The following DIP2A variants were observed in gnomAD, a reference collection of about 807,000 sequenced individuals.
The protein encoded by DIP2A is disco-interacting protein 2 homolog A.
Under a neutral mutation model 177.4 loss-of-function variants are expected in DIP2A, and 85 were observed. The observed-to-expected ratio is 0.48, with a 90% CI of 0.40 to 0.57. DIP2A has a LOEUF of 0.57. Among genes scored for constraint, DIP2A ranks in the 20% least tolerant of loss-of-function variants. DIP2A has a pLI of 0.00. For missense variants in DIP2A, 1,791 were observed against 2,100.2 expected (o/e 0.85, Z 2.88); for synonymous variants, 886 against 881.8 (o/e 1.00, Z -0.08).
rs774565220 is a variant in DIP2A, at chr21:46,501,542, C to T, written c.655+2709C>T. Among the ~76,000 whole-genome samples the T allele has an allele frequency of 3.7e-4, 57 of 152,174 alleles. 1 individual carries two copies. Among genetic ancestry groups the T allele is most frequent in the Admixed American group, 1.9e-3 (29 of 15,288 alleles). The stretch of plus-strand genomic sequence containing the variant: ...TTAAGAAATTCTCCCACCTTAGCCT[C>T]CTGAGCAGCTGGGACTATAGGCAAA... On this transcript the variant is annotated intron_variant, in intron 5 of 37. Coordinates refer to ENST00000417564, the MANE Select transcript of DIP2A (RefSeq NM_015151.4).
In DIP2A at chr21:46,556,731, T is replaced by C; in HGVS notation, c.3499-208T>C. 1.8e-6 allele frequency: 1 copy of C among 544,006 alleles called. No homozygotes were observed. The highest frequency in any genetic ancestry group is 3.2e-5 in the South Asian group (1 of 31,170). The allele number at this position is 544,006 out of a possible 1,614,324, so 33.7% of individuals were successfully genotyped here. On this transcript the variant is annotated intron_variant, in intron 29 of 37. Transcript: ENST00000417564. This position sits in a 1 kb window ranked among gnomAD's most constrained non-coding sequence, Gnocchi z 4.5. ...TTTAAAAATTCATTACCCTGAAATT[T>C]TGTTTCAAAGATTTTTAGTGTACCA... is the stretch of plus-strand genomic sequence containing the variant.
intron 8 of DIP2A, 24 bp downstream of exon 8, chr21:46,511,638 G>A: frequency 6.6e-7 from 1 of 1,506,744 alleles, no homozygotes; most frequent in Non-Finnish European, 8.9e-7. Context: ...GAAAGCAGTT[G>A]TGCTTCTGGG....
intron 1 of DIP2A, among the ~76,000 whole-genome samples, chr21:46,483,115 A>G (rs953735460): frequency 6.6e-6 from 1 of 152,078 alleles, no homozygotes; most frequent in African/African-American, 2.4e-5. Context: ...AGTGCAGTGA[A>G]TCAGGTGTGC....
chr21:46,520,774 A>G (rs2058789919), intron 8 of DIP2A, among the ~76,000 whole-genome samples: 1 of 152,240 alleles, frequency 6.6e-6, no homozygotes, highest in South Asian at 2.1e-4. Flanking sequence ...CGATTTTGGA[A>G]CACAAACCAA....
chr21:46,565,686 C>G, intron 35 of DIP2A, 27 bp from the exon 36 acceptor site: 2 of 1,597,290 alleles, frequency 1.3e-6, no homozygotes, highest in Non-Finnish European at 1.7e-6. Flanking sequence ...GGTAACACAT[C>G]ACATTCTTGT....
chr21:46,538,485 C>G lies in DIP2A; in HGVS notation c.1804C>G (p.Arg602Gly). ...TCTGTGCCATCCTCTCTCTGCAGCTCGGGCCGCGCTGGTGAAGTCGCGAGA... is the reference window on the plus strand; with the variant it reads ...TCTGTGCCATCCTCTCTCTGCAGCTGGGGCCGCGCTGGTGAAGTCGCGAGA... The part of the protein sequence containing the change: ...WIQKVCFYKA[R>G]AALVKSRDMH... Residue 602 changes from arginine to glycine, a missense_variant and splice_region_variant, in exon 16 of 38, where the codon CGG (arginine) becomes GGG (glycine). By Grantham distance (125) the Arg-to-Gly change is moderately radical (BLOSUM62 -2). Coordinates refer to ENST00000417564, the MANE Select transcript of DIP2A (RefSeq NM_015151.4). 1 of 1,544,288 alleles carries G rather than the reference C, an allele frequency of 6.5e-7. No individual in the cohort carries two copies. Among genetic ancestry groups the G allele is most frequent in the Non-Finnish European group, 8.7e-7 (1 of 1,147,512 alleles).
intron 1 of DIP2A, among the ~76,000 whole-genome samples, chr21:46,480,847 C>T (rs1238250929): frequency 2.0e-5 from 3 of 152,198 alleles, no homozygotes; most frequent in Non-Finnish European, 4.4e-5. Context: ...TTGGGGCTCC[C>T]AGCCATTGTG....
At chr21:46,477,009 A>G (rs1168147226) in intron 1 of DIP2A, among the ~76,000 whole-genome samples, 1 of 152,222 alleles carries the variant, frequency 6.6e-6, no homozygotes, top group South Asian at 2.1e-4. Context: ...GGCCGTGGAT[A>G]TGTAAAAAGG....
chr21:46,518,240 T>G (rs1024013842), intron 8 of DIP2A, among the ~76,000 whole-genome samples: 1 of 152,210 alleles, frequency 6.6e-6, no homozygotes, highest in African/African-American at 2.4e-5. Flanking sequence ...ACGTGGTAGC[T>G]AAGCATATGT....
At chr21:46,565,224 C>T (rs1183916296) in intron 35 of DIP2A, among the ~76,000 whole-genome samples, 3 of 152,218 alleles carry the variant, frequency 2.0e-5, no homozygotes, top group South Asian at 4.1e-4. Context: ...CACGTGAACA[C>T]GGATAGCGGA....
intron 1 of DIP2A, among the ~76,000 whole-genome samples, chr21:46,478,656 A>G (rs1409227149): frequency 2.0e-5 from 3 of 151,660 alleles, no homozygotes; most frequent in Non-Finnish European, 2.9e-5. Flanking sequence ...TGTTTTTATA[A>G]TGTTGTTAGT....
At chr21:46,524,168 C>T (rs1218060801) in intron 8 of DIP2A, among the ~76,000 whole-genome samples, 19 of 152,344 alleles carry the variant, frequency 1.2e-4, no homozygotes, top group Non-Finnish European at 2.6e-4. Flanking sequence ...GAGTGCAAGG[C>T]AGATGAATCC....
At chr21:46,565,624 G>A (rs2060812214) in intron 35 of DIP2A, 89 bp from the exon 36 acceptor site, 3 of 1,335,556 alleles carry the variant, frequency 2.2e-6, no homozygotes, top group Non-Finnish European at 3.1e-6. Context: ...GTTTTCTGGA[G>A]CATTATTCTT....
At chr21:46,485,849 G>A (rs2056648211) in intron 2 of DIP2A, among the ~76,000 whole-genome samples, 1 of 151,902 alleles carries the variant, frequency 6.6e-6, no homozygotes, top group Admixed American at 6.6e-5. Context: ...GAGGTGGGGG[G>A]ATCATGAGGT....
chr21:46,551,556 A>G, intron 23 of DIP2A, 78 bp from the exon 24 acceptor site: 1 of 1,273,028 alleles, frequency 7.9e-7, no homozygotes, highest in Middle Eastern at 1.9e-4. Context: ...TTTTCAAAAT[A>G]AAAATTGTAA....
chr21:46,542,405 G>T (rs1173969320), intron 18 of DIP2A, among the ~76,000 whole-genome samples: 1 of 152,214 alleles, frequency 6.6e-6, no homozygotes, highest in Non-Finnish European at 1.5e-5. Context: ...GGTAATGTTT[G>T]TGAATAACTT....
intron 8 of DIP2A, among the ~76,000 whole-genome samples, chr21:46,515,465 T>A (rs569070051): frequency 2.9e-5 from 4 of 137,668 alleles, no homozygotes; most frequent in South Asian, 2.2e-4. Flanking sequence ...TTTTTTTTTT[T>A]ATATATTCTC....
chr21:46,459,230 G>A lies in DIP2A; in HGVS notation c.91+8G>A, dbSNP rs764884297. 2.2e-5 allele frequency: 33 copies of A among 1,521,102 alleles called. No homozygotes were observed. The East Asian group carries it at 4.9e-4, about 23-fold the overall frequency. The allele number at this position is 1,521,102 out of a possible 1,614,324, so 94.2% of individuals were successfully genotyped here. On this transcript the variant is annotated splice_region_variant and intron_variant, in intron 1 of 37. Transcript: ENST00000417564. ...AGCTGGAGCTGTCGGAAGGTGAGCC[G>A]GACCCCGCCCTCAACCCCCGCGACC...
At chr21:46,516,488 C>CTT (rs1158910021) in intron 8 of DIP2A, among the ~76,000 whole-genome samples, 204 of 76,364 alleles carry the variant, frequency 2.7e-3, no homozygotes, top group Non-Finnish European at 3.6e-3. Context: ...TCTGAAATTT[C>CTT]TTTTTTTTTT....
Sources: allele counts gnomAD v4.1 joint callset (sites outside exome capture counted in the v4.1 genomes callset), GRCh38; gene constraint gnomAD v4.1.1; non-coding constraint Gnocchi (gnomAD v3.1); transcripts MANE v1.5; gene names NCBI Gene and HGNC (gene_info 2026-07-23, HGNC 2026-07-21).